The following PATL2 variants were observed in gnomAD, a reference collection of about 807,000 sequenced individuals.
PATL2 encodes the protein PAT1 homolog 2, also known as protein PAT1 homolog 2.
Under a neutral mutation model 77.0 loss-of-function variants are expected in PATL2, and 73 were observed. The ratio of observed to expected loss-of-function variants is 0.95; its 90% CI spans 0.78 to 1.15. The LOEUF is 1.15. Among genes scored for constraint, PATL2 ranks in the 50% most tolerant of loss-of-function variants. The pLI is 0.00. For synonymous variants in PATL2, 265 were observed against 257.1 expected, an observed-to-expected ratio of 1.03 and a Z score of -0.29; for missense variants, 618 against 655.4, an observed-to-expected ratio of 0.94 and a Z score of 0.62.
chr15:44,671,937 A>T (rs2141189783), intron 9 of PATL2, 78 bp downstream of exon 9: 1 of 1,499,168 alleles, frequency 6.7e-7, no homozygotes, highest in Non-Finnish European at 9.0e-7. Flanking sequence ...TGAGCCGAAG[A>T]GAGGATCAGA....
At chr15:44,676,196 A>G (rs751135525) in intron 4 of PATL2, 8 of 465,888 alleles carry the variant, frequency 1.7e-5, no homozygotes, top group African/African-American at 2.0e-5. Context: ...GACTCACTGC[A>G]ATTTAACCCT....
chr15:44,672,021 ATAG>A lies in PATL2; in HGVS notation c.648_650del (p.Tyr218del). 15 of 1,551,724 alleles carry A rather than the reference ATAG, an allele frequency of 9.7e-6. No homozygotes were observed. The highest frequency in any genetic ancestry group is 1.3e-5 in the Non-Finnish European group (15 of 1,146,992). ...TGAGTACTGCGGGGCTCACCTGGTA[ATAG>A]TAGTCATCCAGGCGGGGTTTTGCAC... On this transcript the variant is annotated inframe_deletion, in exon 9 of 18. Transcript: ENST00000682850.
At chr15:44,690,505 T>C (rs1001826149) in intron 3 of PATL2, among the ~76,000 whole-genome samples, 5 of 150,054 alleles carry the variant, frequency 3.3e-5, no homozygotes, top group African/African-American at 1.2e-4. Context: ...TGCCTGGCTT[T>C]TTTTTTTTTT....
intron 17 of PATL2, 53 bp from the exon 18 acceptor site, chr15:44,666,024 T>C: frequency 7.0e-7 from 1 of 1,438,696 alleles, no homozygotes; most frequent in Non-Finnish European, 9.4e-7. Flanking sequence ...TGCAAGTATT[T>C]ATATGATTTA....
chr15:44,672,270 G>GC, intron 8 of PATL2, 114 bp from the exon 9 acceptor site: 1 of 1,528,022 alleles, frequency 6.5e-7, no homozygotes, highest in Non-Finnish European at 8.9e-7. Context: ...ACAGAGGTGG[G>GC]CAACAGTATG....
At chr15:44,674,599 G>T (rs1321991230) in intron 5 of PATL2, among the ~76,000 whole-genome samples, 1 of 151,966 alleles carries the variant, frequency 6.6e-6, no homozygotes, top group Non-Finnish European at 1.5e-5. Flanking sequence ...TCAGGGTCTT[G>T]CTCTGTCACC....
Position 44,666,495 on chromosome 15 carries a change from T to C in PATL2, c.1510A>G (p.Thr504Ala), listed in dbSNP as rs2085378420. The change falls in exon 17 of 18, where the codon ACA (threonine) becomes GCA (alanine). Residue 504 changes from threonine (T) to alanine (A), a missense_variant. Physicochemically the swap from Thr to Ala is moderately conservative, Grantham distance 58. Coordinates refer to ENST00000682850, the MANE Select transcript of PATL2 (RefSeq NM_001387263.1). ...GCTAGGGGTTCTGCCAGAGAGGCTG[T>C]AGGCATTTGGGCTATCTCCCAGGCA... ...LIAWEIAQMP[T>A]ASLAEPLAFP... 6.4e-7 allele frequency: 1 copy of C among 1,551,480 alleles called. No homozygotes were observed. The highest frequency in any genetic ancestry group is 1.2e-5 in the South Asian group (1 of 84,070).
Position 44,665,799 on chromosome 15 carries a change from T to C in PATL2, c.*154A>G. ...TTATTTTTAGGCACATCATTTAGATTTTTGAAGAAAGGATATGAAAATGGG... is the reference window on the plus strand; with the variant it reads ...TTATTTTTAGGCACATCATTTAGATCTTTGAAGAAAGGATATGAAAATGGG... On this transcript the variant is annotated 3_prime_UTR_variant, in exon 18 of 18. Coordinates refer to ENST00000682850, the MANE Select transcript of PATL2 (RefSeq NM_001387263.1). The C allele has an allele frequency of 6.6e-7, 1 of 1,514,088 alleles. No homozygotes were observed. The highest frequency in any genetic ancestry group is 1.3e-5 in the South Asian group (1 of 79,070). The allele number at this position is 1,514,088 out of a possible 1,614,324, so 93.8% of individuals were successfully genotyped here. A position where few individuals can be genotyped will look rare whatever the true frequency, so the allele number is the denominator to read the frequency against.
intron 3 of PATL2, among the ~76,000 whole-genome samples, chr15:44,695,713 C>T (rs1175689942): frequency 6.6e-6 from 1 of 152,180 alleles, no homozygotes; most frequent in Admixed American, 6.5e-5. Flanking sequence ...AAAACAAAAA[C>T]AGTCACAAGC....
intron 3 of PATL2, among the ~76,000 whole-genome samples, chr15:44,701,427 G>A (rs1158638823): frequency 6.6e-6 from 1 of 151,950 alleles, no homozygotes; most frequent in African/African-American, 2.4e-5. Flanking sequence ...TGGGCATGGT[G>A]GCTCATGCCT....
Position 44,685,983 on chromosome 15 carries a change from A to T in PATL2, c.-75-9418T>A, listed in dbSNP as rs983684076. Among the ~76,000 whole-genome samples, 18 of 149,914 alleles carry T rather than the reference A, an allele frequency of 1.2e-4. 2 individuals carry two copies. In the East Asian group the frequency reaches 2.9e-3, roughly 25 times the overall value. ...GGGAGACTTTAACACCCCACTGTCA[A>T]TATTAGACAGATCAACGAGACAGAA... On this transcript the variant is annotated intron_variant, in intron 3 of 17. Coordinates refer to ENST00000682850, the MANE Select transcript of PATL2 (RefSeq NM_001387263.1).
chr15:44,673,597 G>A (rs1954887292), intron 6 of PATL2, among the ~76,000 whole-genome samples: 1 of 152,152 alleles, frequency 6.6e-6, no homozygotes, highest in Admixed American at 6.5e-5. Context: ...TTCATTCCCT[G>A]ACAATGCAGG....
chr15:44,678,214 C>T (rs1267093339), intron 3 of PATL2, among the ~76,000 whole-genome samples: 2 of 152,124 alleles, frequency 1.3e-5, no homozygotes, highest in South Asian at 2.1e-4. Context: ...TAATAACGTA[C>T]TTTAGCACTA....
Position 44,667,172 on chromosome 15 carries a change from C to G in PATL2, c.1397G>C (p.Ser466Thr). 3.9e-6 allele frequency: 6 copies of G among 1,551,656 alleles called. No homozygotes were observed. Among genetic ancestry groups the G allele is most frequent in the Non-Finnish European group, 5.2e-6 (6 of 1,146,978 alleles). The change falls in exon 16 of 18, where the codon AGC (serine) becomes ACC (threonine). Residue 466 changes from serine to threonine, a missense_variant. Transcript: ENST00000682850. ...CAGCGATACCAGTTGCTCCCCATGG[C>G]TCAGCAGGGCATAGAGCAAAGATAT... ...FGISLLYALLSHGEQLVSLHS... is the reference protein window; with the variant it reads ...FGISLLYALLTHGEQLVSLHS...
chr15:44,706,280 T>C (rs1197257857), intron 3 of PATL2, among the ~76,000 whole-genome samples: 1 of 152,196 alleles, frequency 6.6e-6, no homozygotes, highest in Non-Finnish European at 1.5e-5. Context: ...GCTGTTTGTA[T>C]CTGTCCTTCT....
At chr15:44,696,836 A>G (rs541687922) in intron 3 of PATL2, among the ~76,000 whole-genome samples, 1 of 152,306 alleles carries the variant, frequency 6.6e-6, no homozygotes, top group African/African-American at 2.4e-5. Context: ...GTAGCTGCTC[A>G]TAAATTAATT....
intron 3 of PATL2, among the ~76,000 whole-genome samples, chr15:44,708,821 C>A (rs1022296401): frequency 1.3e-5 from 2 of 152,316 alleles, no homozygotes; most frequent in South Asian, 2.1e-4. Context: ...TTCTCTTGGG[C>A]AAATACCTTG....
intron 3 of PATL2, among the ~76,000 whole-genome samples, chr15:44,686,200 A>C (rs144030706): frequency 0.054 from 8,146 of 151,168 alleles, 648 homozygotes; most frequent in African/African-American, 0.18. Context: ...GAAATCATAA[A>C]AAACAGTCTC....
intron 3 of PATL2, among the ~76,000 whole-genome samples, chr15:44,686,188 C>A (rs930615432): frequency 6.6e-6 from 1 of 152,084 alleles, no homozygotes; most frequent in African/African-American, 2.4e-5. Flanking sequence ...TGCAAAAGAA[C>A]GGAAATCATA....
Sources: allele counts gnomAD v4.1 joint callset (sites outside exome capture counted in the v4.1 genomes callset), GRCh38; gene constraint gnomAD v4.1.1; transcripts MANE v1.5; gene names NCBI Gene and HGNC (gene_info 2026-07-23, HGNC 2026-07-21).